The following THBS3 variants were observed in gnomAD, a reference collection of about 807,000 sequenced individuals.
THBS3 encodes thrombospondin 3, also known as thrombospondin-3.
THBS3 carries 78 observed loss-of-function variants against 118.3 expected under a neutral mutation model. That is an observed-to-expected ratio of 0.66 (90% CI 0.55 to 0.80). The LOEUF is 0.80. THBS3 is among the 30% of genes least tolerant of loss of function. The pLI, the probability that THBS3 is intolerant of heterozygous loss-of-function variation, is 0.00. For synonymous variants in THBS3, 427 were observed against 475.3 expected, an observed-to-expected ratio of 0.90 and a Z score of 1.32; for missense variants, 1,057 against 1,247.4, an observed-to-expected ratio of 0.85 and a Z score of 2.30.
In THBS3 at chr1:155,196,266, A is replaced by T. The variant is rs1316505487; in HGVS notation, c.2673-140T>A. Reference sequence around the variant, plus strand: ...AGAGAGAAGGGAGGGAGGGAAAGGGAGGCAGGAAGGAGAGGGAAGGGGGGT... The same window carrying T: ...AGAGAGAAGGGAGGGAGGGAAAGGGTGGCAGGAAGGAGAGGGAAGGGGGGT... On this transcript the variant is annotated intron_variant, in intron 21 of 22. Transcript: ENST00000368378. 3 of 1,069,396 alleles carry T rather than the reference A, an allele frequency of 2.8e-6. No individual in the cohort carries two copies. The Admixed American group carries it at 7.3e-5, about 26-fold the overall frequency. The allele number at this position is 1,069,396 out of a possible 1,614,324, so 66.2% of individuals were successfully genotyped here. A position where few individuals can be genotyped will look rare whatever the true frequency, so the allele number is the denominator to read the frequency against.
rs761821016 is a variant in THBS3 at position 155,199,793 on chromosome 1, C to G, written c.1880+11G>C. The stretch of plus-strand genomic sequence containing the variant: ...AAAGAAAGACCTTGCGTCTCTTGAC[C>G]AAGACCTTACCTGTCTTCATTAGTA... On this transcript the variant is annotated intron_variant, in intron 16 of 22. Coordinates refer to ENST00000368378, the MANE Select transcript of THBS3 (RefSeq NM_007112.5). 3 of 1,614,066 alleles carry G rather than the reference C, an allele frequency of 1.9e-6. No homozygotes were observed. Among genetic ancestry groups the G allele is most frequent in the Non-Finnish European group, 2.5e-6 (3 of 1,179,970 alleles).
chr1:155,208,905 C>T, upstream of THBS3: 1 of 1,611,746 alleles, frequency 6.2e-7, no homozygotes, highest in Non-Finnish European at 8.5e-7. Context: ...AGCCCCCAGA[C>T]CTGGCCCAGG....
At chr1:155,205,375 G>A in intron 2 of THBS3, 59 bp from the exon 3 acceptor site, 1 of 1,584,254 alleles carries the variant, frequency 6.3e-7, no homozygotes, top group Non-Finnish European at 8.6e-7. Flanking sequence ...TCCCAGCTGA[G>A]CCTTGGATCA....
chr1:155,203,591 G>C, intron 4 of THBS3, 52 bp from the exon 5 acceptor site: 1 of 1,606,024 alleles, frequency 6.2e-7, no homozygotes, highest in South Asian at 1.1e-5. Context: ...GTGAAGAGAG[G>C]CCTGGTTGGT....
At chr1:155,208,634 G>T, upstream of THBS3, 1 of 697,986 alleles carries the variant, frequency 1.4e-6, no homozygotes, top group Admixed American at 3.1e-5. Context: ...GGATGAAGCA[G>T]AGGGGCGCCT....
chr1:155,195,964 T>C (rs1163599042), intron 22 of THBS3, 23 bp downstream of exon 22: 1 of 1,613,954 alleles, frequency 6.2e-7, no homozygotes, highest in East Asian at 2.2e-5. Context: ...AAGGATTAGG[T>C]TGATCTCAAT....
intron 2 of THBS3, 61 bp from the exon 3 acceptor site, chr1:155,205,377 C>T: frequency 6.3e-7 from 1 of 1,582,664 alleles, no homozygotes; most frequent in South Asian, 1.1e-5. Flanking sequence ...CCAGCTGAGC[C>T]TTGGATCAAC....
At chr1:155,205,020 ACT>A in intron 3 of THBS3, 38 bp downstream of exon 3, 2 of 1,613,060 alleles carry the variant, frequency 1.2e-6, no homozygotes, top group Non-Finnish European at 1.7e-6. Context: ...GCTGGTGCAA[ACT>A]CTATTTCCAC....
chr1:155,205,894 A>G (rs186265205), intron 2 of THBS3, among the ~76,000 whole-genome samples: 25 of 152,324 alleles, frequency 1.6e-4, no homozygotes, highest in African/African-American at 1.9e-4. Flanking sequence ...CAGGGATCTG[A>G]AAGACCTTTC....
chr1:155,197,339 G>T lies in THBS3; in HGVS notation c.2499+124C>A. On this transcript the variant is annotated intron_variant, in intron 20 of 22. Transcript: ENST00000368378. The surrounding 1 kb of genome is among the most constrained non-coding windows in gnomAD (Gnocchi z 5.0). ...TGAAAATGCCCTGGGGCCCCAGAGA[G>T]CCGGCCTCCAAGCCAGATGTCTGGG... 1 of 1,518,236 alleles carries T rather than the reference G, an allele frequency of 6.6e-7. No individual in the cohort carries two copies. The highest frequency in any genetic ancestry group is 1.8e-5 in the Admixed American group (1 of 56,030). 94.0% of individuals were successfully genotyped at this position (1,518,236 alleles called of 1,614,324 possible).
chr1:155,200,918 C>T lies in THBS3; in HGVS notation c.1527G>A (p.Gly509=), dbSNP rs183391718. Residue 509 remains glycine (G), a synonymous_variant, in exon 13 of 23, where the codon GGG becomes GGA. Coordinates refer to ENST00000368378, the MANE Select transcript of THBS3 (RefSeq NM_007112.5). ...TCACCTCAACATTCTTGATCCCATC[C>T]CCATCAGCATCATCATCACACTGGT... The part of the protein sequence containing the change: ...VGDQCDDDAD[G]DGIKNVEDNC... The T allele has an allele frequency of 5.1e-5, 82 of 1,614,076 alleles. No homozygotes were observed. The highest frequency in any genetic ancestry group is 1.4e-5 in the Non-Finnish European group (16 of 1,180,014).
chr1:155,208,720 T>G, upstream of THBS3: 46 of 743,004 alleles, frequency 6.2e-5, no homozygotes, highest in East Asian at 1.0e-4. Flanking sequence ...CGGCCTCCGC[T>G]CCGGCCGCCG....
Position 155,202,560 on chromosome 1 carries a change from C to T in THBS3, c.958-159G>A. 1 of 1,142,184 alleles carries T rather than the reference C, an allele frequency of 8.8e-7. No individual in the cohort carries two copies. Among genetic ancestry groups the T allele is most frequent in the Non-Finnish European group, 1.2e-6 (1 of 827,386 alleles). 70.8% of individuals were successfully genotyped at this position (1,142,184 alleles called of 1,614,324 possible). On this transcript the variant is annotated intron_variant, in intron 8 of 22. Coordinates refer to ENST00000368378, the MANE Select transcript of THBS3 (RefSeq NM_007112.5). The surrounding 1 kb of genome is among the most constrained non-coding windows in gnomAD (Gnocchi z 5.5). ...TCCCCACCCCACTTCCCTCGGGGTTCCCTCTCTCCCTCCCCATGCCACTGG... is the reference window on the plus strand; with the variant it reads ...TCCCCACCCCACTTCCCTCGGGGTTTCCTCTCTCCCTCCCCATGCCACTGG...
upstream of THBS3, chr1:155,208,962 G>A (rs760296290): frequency 3.5e-5 from 57 of 1,608,282 alleles, no homozygotes; most frequent in Non-Finnish European, 4.6e-5. Context: ...TCAGGGGTTC[G>A]GGGCTCCACT....
intron 16 of THBS3, among the ~76,000 whole-genome samples, chr1:155,199,409 CAAAAA>C (rs11355526): frequency 8.2e-6 from 1 of 121,730 alleles, no homozygotes; most frequent in Non-Finnish European, 1.7e-5. Context: ...GACTCCGTCT[CAAAAA>C]AAAAAAAAAA....
intron 21 of THBS3, chr1:155,196,708 A>G: frequency 3.3e-6 from 1 of 304,216 alleles, no homozygotes; most frequent in South Asian, 7.9e-5. Context: ...AGGTCAGATG[A>G]TCCCTATCCA....
chr1:155,207,837 G>C lies in THBS3; in HGVS notation c.40C>G (p.Leu14Val), dbSNP rs375523531. The change falls in exon 1 of 23, where the codon CTC (leucine) becomes GTC (valine). Residue 14 changes from leucine (L) to valine (V), a missense_variant. Physicochemically the swap from Leu to Val is conservative, Grantham distance 32 (BLOSUM62 1). Coordinates refer to ENST00000368378, the MANE Select transcript of THBS3 (RefSeq NM_007112.5). ...QELRGALALL[L>V]LCFFTSASQD... ...CTGGCAGATGTGAAAAAGCAAAGGA[G>C]GAGAAGAGCCAGGGCCCCCCGAAGT... 1.9e-6 allele frequency: 3 copies of C among 1,613,946 alleles called. No homozygotes were observed. Among genetic ancestry groups the C allele is most frequent in the African/African-American group, 1.3e-5 (1 of 74,930 alleles).
Position 155,198,400 on chromosome 1 carries a change from C to G in THBS3, c.2074+9G>C, listed in dbSNP as rs1332790807. ...ACCAGTCTAACGTGCTCTGGGTCCG[C>G]AGGCTTACCATCTGAGTCCTTCTGA... On this transcript the variant is annotated intron_variant, in intron 17 of 22. Coordinates refer to ENST00000368378, the MANE Select transcript of THBS3 (RefSeq NM_007112.5). The G allele has an allele frequency of 1.2e-6, 2 of 1,612,154 alleles. No homozygotes were observed. Among genetic ancestry groups the G allele is most frequent in the Non-Finnish European group, 1.7e-6 (2 of 1,178,538 alleles).
rs1331862580 is a variant in THBS3 at position 155,202,160 on chromosome 1, C to T, written c.1098+101G>A. 2.3e-5 allele frequency: 37 copies of T among 1,595,040 alleles called. No individual in the cohort carries two copies. Among genetic ancestry groups the T allele is most frequent in the Non-Finnish European group, 2.6e-5 (30 of 1,168,994 alleles). On this transcript the variant is annotated intron_variant, in intron 9 of 22. Transcript: ENST00000368378. The surrounding 1 kb of genome is among the most constrained non-coding windows in gnomAD (Gnocchi z 5.5). The stretch of plus-strand genomic sequence containing the variant: ...CCCAGACCCAAAGCCGATGCAAAGC[C>T]ATCCATGTCCCATTCATCACAAGGG...
Sources: allele counts gnomAD v4.1 joint callset (sites outside exome capture counted in the v4.1 genomes callset), GRCh38; gene constraint gnomAD v4.1.1; non-coding constraint Gnocchi (gnomAD v3.1); transcripts MANE v1.5; gene names NCBI Gene and HGNC (gene_info 2026-07-23, HGNC 2026-07-21).